CC2D2A: variants seen among roughly 807,000 people sequenced by gnomAD.
The protein encoded by CC2D2A is coiled-coil and C2 domain containing 2A, also known as coiled-coil and C2 domain-containing protein 2A.
Under a neutral mutation model 212.9 loss-of-function variants are expected in CC2D2A, and 155 were observed. That is an observed-to-expected ratio of 0.73 (90% confidence interval 0.64 to 0.83). The LOEUF (loss-of-function observed/expected upper bound fraction) is 0.83. Ranked by LOEUF, CC2D2A falls within the 40% of genes least tolerant of loss-of-function variation. The pLI is 0.00. For missense variants in CC2D2A, 1,856 were observed against 1,956.2 expected (o/e 0.95, Z 0.97); for synonymous variants, 667 against 686.5 (o/e 0.97, Z 0.44).
chr4:15,550,565 G>A (rs896581991), intron 17 of CC2D2A, among the ~76,000 whole-genome samples: 5 of 152,082 alleles, frequency 3.3e-5, no homozygotes, highest in Non-Finnish European at 5.9e-5. Flanking sequence ...AATTATCCTC[G>A]CCTGCTACTT....
intron 13 of CC2D2A, among the ~76,000 whole-genome samples, chr4:15,530,508 T>C (rs1717793171): frequency 6.6e-6 from 1 of 152,124 alleles, no homozygotes; most frequent in Non-Finnish European, 1.5e-5. Context: ...TGAAAGCAAT[T>C]GTGATTTTAT....
chr4:15,586,762 T>C (rs910526408), intron 31 of CC2D2A, among the ~76,000 whole-genome samples: 2 of 152,212 alleles, frequency 1.3e-5, no homozygotes, highest in African/African-American at 4.8e-5. Context: ...AAATATATCA[T>C]AGGTAGTATG....
intron 19 of CC2D2A, among the ~76,000 whole-genome samples, chr4:15,554,438 C>T (rs531854620): frequency 9.9e-5 from 15 of 152,082 alleles, no homozygotes; most frequent in Non-Finnish European, 1.9e-4. Flanking sequence ...TTTGGGAGGC[C>T]GAGGCAGGCA....
In CC2D2A at chr4:15,480,756, A is replaced by AC; in HGVS notation, c.181dup (p.Gln61ProfsTer76). On this transcript the variant is annotated frameshift_variant, in exon 4 of 37. Coordinates refer to ENST00000424120, the MANE Select transcript of CC2D2A (RefSeq NM_001378615.1). LOFTEE classifies it high-confidence loss of function. ...GTGTCCGAAAAATCCCACCTTGGCA[A>AC]CCCCCAGGAGCCTGTGCAGGAGGAG... 1 of 1,612,556 alleles carries AC rather than the reference A, an allele frequency of 6.2e-7. No homozygotes were observed. Among genetic ancestry groups the AC allele is most frequent in the Non-Finnish European group, 8.5e-7 (1 of 1,179,424 alleles).
At chr4:15,502,398 A>G in intron 4 of CC2D2A, 31 bp from the exon 5 acceptor site, 2 of 1,417,522 alleles carry the variant, frequency 1.4e-6, no homozygotes, top group Middle Eastern at 2.0e-4. Flanking sequence ...TTTTTTTTTT[A>G]TTTTGTTTTG....
In CC2D2A at chr4:15,560,521, C is replaced by T; in HGVS notation, c.2923-10C>T. 7.3e-7 allele frequency: 1 copy of T among 1,376,720 alleles called. No homozygotes were observed. The allele number at this position is 1,376,720 out of a possible 1,614,324, so 85.3% of individuals were successfully genotyped here. On this transcript the variant is annotated splice_polypyrimidine_tract_variant and intron_variant, in intron 22 of 36. Transcript: ENST00000424120. ...AATAACATTTTAAATAAGCTGATTT[C>T]TTTCCCCAGGTTAGAGAATCAGTGA...
At chr4:15,589,161 G>A (rs1342993588) in intron 32 of CC2D2A, among the ~76,000 whole-genome samples, 4 of 151,752 alleles carry the variant, frequency 2.6e-5, no homozygotes, top group African/African-American at 9.7e-5. Flanking sequence ...ATTAGAAATA[G>A]AAATATTTCT....
chr4:15,592,225 T>C (rs1721137853), intron 33 of CC2D2A, among the ~76,000 whole-genome samples: 1 of 152,216 alleles, frequency 6.6e-6, no homozygotes, highest in African/African-American at 2.4e-5. Context: ...CCTCTATCTA[T>C]TGATACGCTC....
intron 28 of CC2D2A, among the ~76,000 whole-genome samples, chr4:15,570,713 G>A (rs1055438896): frequency 3.3e-5 from 5 of 151,968 alleles, no homozygotes; most frequent in Non-Finnish European, 5.9e-5. Flanking sequence ...AAAATTAGCC[G>A]GGCGTGGTGG....
rs751865030 is a variant in CC2D2A, at chr4:15,563,404, C to T, written c.3064C>T (p.Arg1022Trp). 4 of 1,607,864 alleles carry T rather than the reference C, an allele frequency of 2.5e-6. No homozygotes were observed. The highest frequency in any genetic ancestry group is 3.4e-6 in the Non-Finnish European group (4 of 1,176,974). ...GCTGGCAGAACAAAAGCGACCACTG[C>T]GGCCAAGGAGAAAAGGTCGGAAGAA... Reference protein sequence around the residue: ...FKLAEQKRPLRPRRKGRKKVT... With the variant: ...FKLAEQKRPLWPRRKGRKKVT... Residue 1022 changes from arginine (R) to tryptophan (W), a missense_variant, in exon 24 of 37, where the codon CGG (arginine) becomes TGG (tryptophan). By Grantham distance (101) the Arg-to-Trp change is moderately radical. Transcript: ENST00000424120.
At chr4:15,587,360 TG>T (rs1239602963) in intron 31 of CC2D2A, among the ~76,000 whole-genome samples, 2 of 152,212 alleles carry the variant, frequency 1.3e-5, no homozygotes, top group Non-Finnish European at 2.9e-5. Context: ...GCTGGGGGAC[TG>T]GGGACCCTTG....
chr4:15,514,920 T>G (rs1716776161), intron 9 of CC2D2A, 51 bp downstream of exon 9: 2 of 1,545,154 alleles, frequency 1.3e-6, no homozygotes, highest in Non-Finnish European at 8.9e-7. Flanking sequence ...TCACTTACCT[T>G]GTCATGAAAT....
At position 15,557,315 on chromosome 4, in the gene CC2D2A, T is replaced by G. The variant is rs2109058028; in HGVS notation, c.2637T>G (p.Ser879Arg). The G allele has an allele frequency of 1.2e-6, 2 of 1,610,222 alleles. No homozygotes were observed. The highest frequency in any genetic ancestry group is 8.5e-7 in the Non-Finnish European group (1 of 1,177,978). The change falls in exon 21 of 37, where the codon AGT (serine) becomes AGG (arginine). Residue 879 changes from serine to arginine, a missense_variant. Ser to Arg is a moderately radical substitution (Grantham distance 110). Coordinates refer to ENST00000424120, the MANE Select transcript of CC2D2A (RefSeq NM_001378615.1). Reference protein sequence around the residue: ...PLMQLISVATSGESYVPDFFR... With the variant: ...PLMQLISVATRGESYVPDFFR... ...TCCGTTTTTTATAGGTTGCTACCAG[T>G]GGTGAATCCTATGTCCCTGATTTCT...
intron 11 of CC2D2A, among the ~76,000 whole-genome samples, chr4:15,521,525 T>G (rs976520730): frequency 2.0e-5 from 3 of 152,216 alleles, no homozygotes; most frequent in Non-Finnish European, 2.9e-5. Flanking sequence ...TCAGTCTTAC[T>G]TCCAAACAGA....
intron 8 of CC2D2A, among the ~76,000 whole-genome samples, chr4:15,513,113 A>C (rs550145625): frequency 6.6e-6 from 1 of 152,188 alleles, no homozygotes; most frequent in African/African-American, 2.4e-5. Flanking sequence ...CCGGAAATGT[A>C]CTTTTTTTAC....
At chr4:15,497,846 A>G (rs1253895885) in intron 4 of CC2D2A, among the ~76,000 whole-genome samples, 5 of 142,014 alleles carry the variant, frequency 3.5e-5, no homozygotes, top group African/African-American at 1.2e-4. Flanking sequence ...TAAAAGCAGG[A>G]TCTTTGTGGT....
intron 11 of CC2D2A, chr4:15,519,527 AT>A (rs1362930744): frequency 2.2e-6 from 1 of 448,940 alleles, no homozygotes. Flanking sequence ...TCTGGTACCA[AT>A]TTATTGTATT....
intron 11 of CC2D2A, among the ~76,000 whole-genome samples, chr4:15,518,098 T>C (rs1490395650): frequency 6.6e-6 from 1 of 152,148 alleles, no homozygotes; most frequent in African/African-American, 2.4e-5. Flanking sequence ...ATTTCACCCC[T>C]GGCCCCTCCC....
intron 24 of CC2D2A, among the ~76,000 whole-genome samples, chr4:15,565,641 T>C (rs891298258): frequency 6.6e-6 from 1 of 152,182 alleles, no homozygotes; most frequent in African/African-American, 2.4e-5. Flanking sequence ...AGGGTCTTGC[T>C]GTGTCACCCA....
Sources: gnomAD v4.1 joint callset for allele counts (sites outside exome capture counted in the v4.1 genomes callset) on GRCh38, gnomAD v4.1.1 for gene constraint, MANE v1.5 for transcripts, NCBI Gene and HGNC (gene_info 2026-07-23, HGNC 2026-07-21) for gene names.